The following POLR3B variants were observed in gnomAD, a reference collection of about 807,000 sequenced individuals.
The protein encoded by POLR3B is RNA polymerase III subunit B.
In POLR3B, 96 loss-of-function variants were observed where a neutral mutation model predicts 147.4. The observed-to-expected ratio is 0.65, with a 90% CI of 0.55 to 0.77. The LOEUF is 0.77. Among genes scored for constraint, POLR3B ranks in the 30% least tolerant of loss-of-function variants. The pLI, the probability that POLR3B is intolerant of heterozygous loss-of-function variation, is 0.00. For synonymous variants in POLR3B, 461 were observed against 485.9 expected, an observed-to-expected ratio of 0.95 and a Z score of 0.67; for missense variants, 1,036 against 1,413.5, an observed-to-expected ratio of 0.73 and a Z score of 4.28.
intron 12 of POLR3B, among the ~76,000 whole-genome samples, chr12:106,421,276 G>A (rs2037370333): frequency 2.6e-5 from 4 of 151,318 alleles, no homozygotes; most frequent in Admixed American, 2.6e-4. Flanking sequence ...ATATCTCCTG[G>A]TTTCCATATG....
chr12:106,408,477 G>T (rs1330182767), intron 11 of POLR3B, among the ~76,000 whole-genome samples: 1 of 152,156 alleles, frequency 6.6e-6, no homozygotes, highest in Non-Finnish European at 1.5e-5. Context: ...AACCCTAGGG[G>T]TGGGTCCCGG....
At chr12:106,415,796 C>A (rs2037294430) in intron 12 of POLR3B, among the ~76,000 whole-genome samples, 1 of 151,978 alleles carries the variant, frequency 6.6e-6, no homozygotes, top group Non-Finnish European at 1.5e-5. Context: ...AAAAAAATAG[C>A]ATAGCAAAAA....
rs2037453602 is a variant in POLR3B, at chr12:106,427,348, C to T, written c.1253C>T (p.Ala418Val). 2 of 1,612,726 alleles carry T rather than the reference C, an allele frequency of 1.2e-6. No individual in the cohort carries two copies. Among genetic ancestry groups the T allele is most frequent in the Non-Finnish European group, 1.7e-6 (2 of 1,179,012 alleles). ...CAGATCACCAATGGCATGGTGAATG[C>T]TATTTCTACCGTAAGTCTTCAGTCA... is the stretch of plus-strand genomic sequence containing the variant. Reference protein sequence around the residue: ...QDQITNGMVNAISTGNWSLKR... With the variant: ...QDQITNGMVNVISTGNWSLKR... Residue 418 changes from alanine to valine, a missense_variant, in exon 13 of 28, where the codon GCT becomes GTT. By Grantham distance (64) the Ala-to-Val change is moderately conservative (BLOSUM62 0). Coordinates refer to ENST00000228347, the MANE Select transcript of POLR3B (RefSeq NM_018082.6).
chr12:106,425,923 G>A lies in POLR3B; in HGVS notation c.1102-1274G>A, dbSNP rs1593034233. On this transcript the variant is annotated intron_variant, in intron 12 of 27. Coordinates refer to ENST00000228347, the MANE Select transcript of POLR3B (RefSeq NM_018082.6). ...TCATGCCATATATATGTTGTTTTAT[G>A]TCTGGTTTCTTTTGCTGAGTATTTG... 2.0e-5 allele frequency among the ~76,000 whole-genome samples: 3 copies of A among 152,184 alleles called. No homozygotes were observed. The South Asian group carries it at 6.2e-4, about 32-fold the overall frequency.
chr12:106,445,823 A>G (rs1448351543), intron 19 of POLR3B, among the ~76,000 whole-genome samples: 1 of 152,220 alleles, frequency 6.6e-6, no homozygotes, highest in Admixed American at 6.5e-5. Context: ...TAGCTCCTCC[A>G]TTACCAACAA....
In POLR3B at chr12:106,376,359, A is replaced by G. The variant is rs750363471; in HGVS notation, c.405A>G (p.Arg135=). Residue 135 remains arginine (R), a splice_region_variant and synonymous_variant, in exon 7 of 28, where the codon AGA becomes AGG. Transcript: ENST00000228347. ...TTTTCTTTTGTTTTATTTTATACAGAATGCCCATAATGCTACGTAGTTCAA... is the reference window on the plus strand; with the variant it reads ...TTTTCTTTTGTTTTATTTTATACAGGATGCCCATAATGCTACGTAGTTCAA... The part of the protein sequence containing the change: ...RIIRNALPIG[R]MPIMLRSSNC... 9 of 1,604,448 alleles carry G rather than the reference A, an allele frequency of 5.6e-6. No homozygotes were observed. In the South Asian group the frequency reaches 9.9e-5, roughly 18 times the overall value.
At chr12:106,413,882 T>C (rs990423286) in intron 12 of POLR3B, among the ~76,000 whole-genome samples, 1 of 152,104 alleles carries the variant, frequency 6.6e-6, no homozygotes, top group African/African-American at 2.4e-5. Context: ...TTGAGTTTTT[T>C]GTTGTTTACT....
At chr12:106,401,657 C>T (rs1159592713) in intron 10 of POLR3B, among the ~76,000 whole-genome samples, 1 of 152,318 alleles carries the variant, frequency 6.6e-6, no homozygotes, top group South Asian at 2.1e-4. Flanking sequence ...GCTGGTTCAA[C>T]ATACACAAAT....
intron 20 of POLR3B, 21 bp from the exon 21 acceptor site, chr12:106,457,117 C>A: frequency 1.2e-6 from 2 of 1,607,116 alleles, no homozygotes; most frequent in Non-Finnish European, 1.7e-6. Context: ...GGTTCTAATG[C>A]CCATCTTGGT....
In POLR3B at chr12:106,502,222, C is replaced by A. The variant is rs546759409; in HGVS notation, c.3098+786C>A. Among the ~76,000 whole-genome samples the A allele has an allele frequency of 2.0e-5, 3 of 152,148 alleles. No homozygotes were observed. The East Asian group carries it at 5.8e-4, about 29-fold the overall frequency. On this transcript the variant is annotated intron_variant, in intron 26 of 27. Coordinates refer to ENST00000228347, the MANE Select transcript of POLR3B (RefSeq NM_018082.6). ...AGGCCAGGGATGCTGCAAGGACAGC[C>A]CCCTACAACAGAGTTACCCAGCTCA...
At chr12:106,412,518 G>A (rs966905790) in intron 12 of POLR3B, among the ~76,000 whole-genome samples, 1 of 152,162 alleles carries the variant, frequency 6.6e-6, no homozygotes, top group African/African-American at 2.4e-5. Context: ...CATAAAACAG[G>A]AAACTCACTC....
At chr12:106,390,271 C>T (rs538800073) in intron 9 of POLR3B, among the ~76,000 whole-genome samples, 3 of 93,350 alleles carry the variant, frequency 3.2e-5, no homozygotes, top group African/African-American at 4.8e-5. Flanking sequence ...TCTCTCCCCC[C>T]CCAGTTTTTT....
intron 23 of POLR3B, among the ~76,000 whole-genome samples, chr12:106,474,972 G>A (rs1565907926): frequency 7.7e-6 from 1 of 129,418 alleles, no homozygotes; most frequent in Admixed American, 7.4e-5. Context: ...TGTCAATTTT[G>A]GATCTTTCCT....
chr12:106,444,375 C>T, intron 18 of POLR3B, 88 bp from the exon 19 acceptor site: 1 of 1,293,978 alleles, frequency 7.7e-7, no homozygotes, highest in Non-Finnish European at 1.1e-6. Context: ...CCCTGGAGGA[C>T]CTAGATAACA....
chr12:106,438,518 A>G (rs2037608976), intron 18 of POLR3B, among the ~76,000 whole-genome samples: 1 of 150,110 alleles, frequency 6.7e-6, no homozygotes, highest in Admixed American at 6.6e-5. Flanking sequence ...TTTTTTTGAG[A>G]CAAGGTCTTG....
chr12:106,423,439 A>G (rs1244119705), intron 12 of POLR3B, among the ~76,000 whole-genome samples: 2 of 152,178 alleles, frequency 1.3e-5, no homozygotes, highest in East Asian at 1.9e-4. Context: ...AAGTCCCACA[A>G]TGTGCTGTCT....
At chr12:106,447,335 C>T (rs1188311615) in intron 19 of POLR3B, among the ~76,000 whole-genome samples, 2 of 152,150 alleles carry the variant, frequency 1.3e-5, no homozygotes, top group Non-Finnish European at 2.9e-5. Flanking sequence ...GCACAAACCA[C>T]AGAGATGGAA....
intron 10 of POLR3B, among the ~76,000 whole-genome samples, chr12:106,399,115 C>A (rs150454100): frequency 0.017 from 2,589 of 152,222 alleles, 43 homozygotes; most frequent in South Asian, 0.069. Context: ...ACTAGAATAA[C>A]CAATGCAGAG....
At chr12:106,502,625 T>C (rs1197007669) in intron 26 of POLR3B, among the ~76,000 whole-genome samples, 3 of 152,124 alleles carry the variant, frequency 2.0e-5, no homozygotes, top group Admixed American at 2.0e-4. Context: ...CATTTTTTTT[T>C]TAAGCCAAGG....
Sources: allele counts gnomAD v4.1 joint callset (sites outside exome capture counted in the v4.1 genomes callset), GRCh38; gene constraint gnomAD v4.1.1; transcripts MANE v1.5; gene names NCBI Gene and HGNC (gene_info 2026-07-23, HGNC 2026-07-21).